The following EIF2AK4 variants were observed in gnomAD, a reference collection of about 807,000 sequenced individuals.
EIF2AK4 encodes eukaryotic translation initiation factor 2 alpha kinase 4, also known as eIF-2-alpha kinase GCN2.
EIF2AK4 carries 139 observed loss-of-function variants against 211.1 expected under a neutral mutation model. That is an observed-to-expected ratio of 0.66 (90% CI 0.57 to 0.76). The LOEUF (loss-of-function observed/expected upper bound fraction) is 0.76, where lower values mean the gene tolerates loss of function less well. Ranked by LOEUF, EIF2AK4 falls within the 30% of genes least tolerant of loss-of-function variation. The pLI is 0.00. For missense variants in EIF2AK4, 1,664 were observed against 2,043.8 expected, an observed-to-expected ratio of 0.81 and a Z score of 3.58; for synonymous variants, 710 against 751.3, an observed-to-expected ratio of 0.94 and a Z score of 0.90.
In EIF2AK4 at chr15:39,972,903, C is replaced by T. The variant is rs868123292; in HGVS notation, c.1554-5C>T. 1 of 1,612,704 alleles carries T rather than the reference C, an allele frequency of 6.2e-7. No individual in the cohort carries two copies. Among genetic ancestry groups the T allele is most frequent in the Non-Finnish European group, 8.5e-7 (1 of 1,178,806 alleles). Reference sequence around the variant, plus strand: ...TGCTAAGATTCTTCCTTCCCTCTCACCGAGATGTGTGTGCTTGGATGACAA... The same window carrying T: ...TGCTAAGATTCTTCCTTCCCTCTCATCGAGATGTGTGTGCTTGGATGACAA... On this transcript the variant is annotated splice_polypyrimidine_tract_variant and splice_region_variant and intron_variant, in intron 9 of 38. Coordinates refer to ENST00000263791, the MANE Select transcript of EIF2AK4 (RefSeq NM_001013703.4).
At chr15:39,993,064 CCATCCATCCATT>C (rs1381235161) in intron 18 of EIF2AK4, among the ~76,000 whole-genome samples, 55 of 92,090 alleles carry the variant, frequency 6.0e-4, no homozygotes, top group Non-Finnish European at 8.2e-4. Context: ...ATCCATCCAT[CCATCCATCCATT>C]CATCCATCCA....
At chr15:39,980,905 G>A (rs1009877658) in intron 13 of EIF2AK4, among the ~76,000 whole-genome samples, 1 of 152,008 alleles carries the variant, frequency 6.6e-6, no homozygotes, top group Non-Finnish European at 1.5e-5. Context: ...CAGTTACAAG[G>A]GTTCATTCAT....
intron 1 of EIF2AK4, among the ~76,000 whole-genome samples, chr15:39,936,427 T>C (rs926649281): frequency 6.6e-6 from 1 of 152,124 alleles, no homozygotes; most frequent in Non-Finnish European, 1.5e-5. Context: ...CAAAACTCTT[T>C]ATTGAGAGGG....
At chr15:39,945,219 A>T (rs913118700) in intron 3 of EIF2AK4, among the ~76,000 whole-genome samples, 1 of 151,600 alleles carries the variant, frequency 6.6e-6, no homozygotes, top group Non-Finnish European at 1.5e-5. Context: ...GGCTCAAGCA[A>T]TCTTCCTTCC....
intron 34 of EIF2AK4, 63 bp from the exon 35 acceptor site, chr15:40,030,296 G>C (rs2035522911): frequency 1.3e-6 from 2 of 1,489,232 alleles, no homozygotes; most frequent in East Asian, 4.6e-5. Context: ...CCATCTCTCT[G>C]TAGTATGTTG....
chr15:40,032,991 C>A (rs1437964477), intron 37 of EIF2AK4, among the ~76,000 whole-genome samples, 190 bp downstream of exon 37: 1 of 152,130 alleles, frequency 6.6e-6, no homozygotes. Flanking sequence ...TCATACTTTT[C>A]TAGTGACTTT....
At chr15:40,010,833 G>A (rs1366408881) in intron 26 of EIF2AK4, among the ~76,000 whole-genome samples, 1 of 152,068 alleles carries the variant, frequency 6.6e-6, no homozygotes, top group Non-Finnish European at 1.5e-5. Flanking sequence ...GATGTCAATC[G>A]GACACTGGCA....
At chr15:39,946,433 G>C (rs770569127) in intron 3 of EIF2AK4, among the ~76,000 whole-genome samples, 1 of 152,226 alleles carries the variant, frequency 6.6e-6, no homozygotes, top group Non-Finnish European at 1.5e-5. Context: ...TGACTGAATT[G>C]CTGCAACCTC....
At chr15:40,009,836 T>C (rs972453510) in intron 26 of EIF2AK4, 106 bp downstream of exon 26, 2 of 806,318 alleles carry the variant, frequency 2.5e-6, no homozygotes, top group Admixed American at 2.5e-5. Flanking sequence ...TGAAACTGAA[T>C]TGGGAGCCTT....
At chr15:39,998,270 G>GTTTTTTTTTTT (rs11435806) in intron 19 of EIF2AK4, among the ~76,000 whole-genome samples, 1 of 125,396 alleles carries the variant, frequency 8.0e-6, no homozygotes, top group Non-Finnish European at 1.6e-5. Context: ...TTTTTTTTTT[G>GTTTTTTTTTTT]TTTTGTTTTT....
intron 7 of EIF2AK4, among the ~76,000 whole-genome samples, chr15:39,964,784 A>G (rs1012492092): frequency 8.5e-5 from 13 of 152,244 alleles, no homozygotes; most frequent in African/African-American, 2.7e-4. Context: ...AGTGAGAACC[A>G]TATGACTATC....
rs2034025843 is a variant in EIF2AK4 at position 39,934,147 on chromosome 15, G to C, written c.-49G>C. Reference sequence around the variant, plus strand: ...AGCCCCGCCCCGCAGGCTGCCGGGGGCCCACCGCCGCCCAGGCAAGGCCGC... The same window carrying C: ...AGCCCCGCCCCGCAGGCTGCCGGGGCCCCACCGCCGCCCAGGCAAGGCCGC... On this transcript the variant is annotated 5_prime_UTR_variant, in exon 1 of 39. Transcript: ENST00000263791. 7.9e-7 allele frequency: 1 copy of C among 1,262,452 alleles called. No individual in the cohort carries two copies. Among genetic ancestry groups the C allele is most frequent in the African/African-American group, 1.6e-5 (1 of 62,108 alleles). The allele number at this position is 1,262,452 out of a possible 1,614,324, so 78.2% of individuals were successfully genotyped here. A position where few individuals can be genotyped will look rare whatever the true frequency, so the allele number is the denominator to read the frequency against.
At chr15:39,959,995 C>G (rs977289550) in intron 6 of EIF2AK4, among the ~76,000 whole-genome samples, 3 of 151,860 alleles carry the variant, frequency 2.0e-5, no homozygotes, top group African/African-American at 7.3e-5. Flanking sequence ...AACCCTGTCT[C>G]TACTAAAAAT....
At position 40,020,961 on chromosome 15, in the gene EIF2AK4, C is replaced by A; in HGVS notation, c.4236C>A (p.Ala1412=). The A allele has an allele frequency of 6.2e-7, 1 of 1,613,772 alleles. No homozygotes were observed. Among genetic ancestry groups the A allele is most frequent in the Non-Finnish European group, 8.5e-7 (1 of 1,179,886 alleles). ...VSVGQMSMSR[A]INLTQKLWTA... ...TTGGCCAGATGTCTATGTCCAGGGC[C>A]ATCAACCTAACCCAGAAACTCTGGA... The change falls in exon 31 of 39, where the codon GCC becomes GCA. Residue 1412 remains alanine (A), a synonymous_variant. Coordinates refer to ENST00000263791, the MANE Select transcript of EIF2AK4 (RefSeq NM_001013703.4).
intron 4 of EIF2AK4, among the ~76,000 whole-genome samples, chr15:39,953,685 C>G (rs1389877217): frequency 6.6e-6 from 1 of 152,218 alleles, no homozygotes; most frequent in Non-Finnish European, 1.5e-5. Flanking sequence ...TGCCCCTCCC[C>G]ACACACGCTC....
chr15:40,023,403 A>G (rs978715585), intron 32 of EIF2AK4, among the ~76,000 whole-genome samples: 1 of 151,860 alleles, frequency 6.6e-6, no homozygotes, highest in Non-Finnish European at 1.5e-5. Flanking sequence ...TGAGTTGGAG[A>G]GTGTTCTCTC....
intron 7 of EIF2AK4, among the ~76,000 whole-genome samples, chr15:39,962,434 T>A (rs1394724591): frequency 6.6e-6 from 1 of 152,222 alleles, no homozygotes; most frequent in African/African-American, 2.4e-5. Flanking sequence ...CAAATGTATG[T>A]AACAAAGTGA....
chr15:40,006,808 C>T (rs1204586568), intron 23 of EIF2AK4, among the ~76,000 whole-genome samples: 2 of 152,020 alleles, frequency 1.3e-5, no homozygotes, highest in African/African-American at 4.8e-5. Context: ...TGTCTAGCAG[C>T]GGAGTCCACC....
At chr15:39,957,497 A>G (rs1181482870) in intron 6 of EIF2AK4, among the ~76,000 whole-genome samples, 1 of 152,116 alleles carries the variant, frequency 6.6e-6, no homozygotes, top group Non-Finnish European at 1.5e-5. Context: ...CCTCAAATGC[A>G]ACCTTCTCAG....
Sources: gnomAD v4.1 joint callset for allele counts (sites outside exome capture counted in the v4.1 genomes callset) on GRCh38, gnomAD v4.1.1 for gene constraint, MANE v1.5 for transcripts, NCBI Gene and HGNC (gene_info 2026-07-23, HGNC 2026-07-21) for gene names.